The following TASP1 variants were observed in gnomAD, a reference collection of about 807,000 sequenced individuals.
TASP1 encodes taspase 1, also known as threonine aspartase 1.
Under a neutral mutation model 56.6 loss-of-function variants are expected in TASP1, and 16 were observed. The observed-to-expected ratio is 0.28, with a 90% CI of 0.19 to 0.43. The LOEUF is 0.43. Among genes scored for constraint, TASP1 ranks in the 20% least tolerant of loss-of-function variants. The pLI, the probability that TASP1 is intolerant of heterozygous loss-of-function variation, is 1.00. For synonymous variants in TASP1, 179 were observed against 184.2 expected, an observed-to-expected ratio of 0.97 and a Z score of 0.23; for missense variants, 393 against 511.6, an observed-to-expected ratio of 0.77 and a Z score of 2.24.
At chr20:13,602,383 G>A (rs1298920519) in intron 4 of TASP1, among the ~76,000 whole-genome samples, 1 of 152,084 alleles carries the variant, frequency 6.6e-6, no homozygotes, top group Admixed American at 6.5e-5. Context: ...CCCTGGAAGA[G>A]AAAAAAGGCA....
At chr20:13,620,913 C>T (rs6109976) in intron 4 of TASP1, among the ~76,000 whole-genome samples, 1 of 152,166 alleles carries the variant, frequency 6.6e-6, no homozygotes, top group Non-Finnish European at 1.5e-5. Flanking sequence ...ATCTGAAAAC[C>T]TATCCTGTTT....
At chr20:13,267,834 T>C in the TASP1 span, among the ~76,000 whole-genome samples, 232 of 152,324 alleles carry the variant, frequency 1.5e-3, no homozygotes, top group Admixed American at 2.7e-3. Context: ...TTAAACAGTA[T>C]ACCTCCATTG....
the TASP1 span, among the ~76,000 whole-genome samples, chr20:13,284,511 T>C: frequency 2.6e-5 from 4 of 152,246 alleles, no homozygotes; most frequent in Admixed American, 6.5e-5. Context: ...CTCTGGGCAG[T>C]GGCCCCTGGT....
At chr20:13,270,530 C>T in the TASP1 span, 1 of 1,613,456 alleles carries the variant, frequency 6.2e-7, no homozygotes, top group Non-Finnish European at 8.5e-7. Context: ...GAAGTGACAC[C>T]ACATCAGAAA....
chr20:13,339,869 T>G, the TASP1 span, among the ~76,000 whole-genome samples: 1 of 152,190 alleles, frequency 6.6e-6, no homozygotes, highest in South Asian at 2.1e-4. Flanking sequence ...GTTGAAGTCT[T>G]TTGCTTGATT....
chr20:13,241,689 C>A, the TASP1 span, among the ~76,000 whole-genome samples: 1 of 152,114 alleles, frequency 6.6e-6, no homozygotes, highest in East Asian at 1.9e-4. Context: ...ATAAAATGGT[C>A]ATCTTGGATA....
At chr20:13,448,615 G>T (rs1041656459) in intron 11 of TASP1, among the ~76,000 whole-genome samples, 1 of 151,974 alleles carries the variant, frequency 6.6e-6, no homozygotes, top group African/African-American at 2.4e-5. Flanking sequence ...ACGTGGCGTG[G>T]TACCCTAAAA....
chr20:13,331,384 G>A, the TASP1 span, among the ~76,000 whole-genome samples: 2 of 152,110 alleles, frequency 1.3e-5, no homozygotes, highest in Non-Finnish European at 2.9e-5. Context: ...AGAAAATTCA[G>A]GAGTTTCCTG....
At chr20:13,635,786 A>G (rs939950537) in intron 1 of TASP1, among the ~76,000 whole-genome samples, 2 of 152,162 alleles carry the variant, frequency 1.3e-5, no homozygotes, top group Non-Finnish European at 2.9e-5. Flanking sequence ...TATAGCCACA[A>G]GTTTTATGGA....
At chr20:13,149,276 G>A in the TASP1 span, among the ~76,000 whole-genome samples, 7 of 152,228 alleles carry the variant, frequency 4.6e-5, no homozygotes, top group African/African-American at 1.7e-4. Flanking sequence ...TGTGGCCGCA[G>A]TGCCCAATCT....
intron 11 of TASP1, among the ~76,000 whole-genome samples, chr20:13,453,383 T>C (rs892767703): frequency 6.6e-6 from 1 of 152,140 alleles, no homozygotes; most frequent in Non-Finnish European, 1.5e-5. Flanking sequence ...CTACTTAGCA[T>C]GTTGATGACA....
chr20:13,209,622 A>C, the TASP1 span, among the ~76,000 whole-genome samples: 1 of 152,206 alleles, frequency 6.6e-6, no homozygotes, highest in Non-Finnish European at 1.5e-5. Flanking sequence ...AGTCCTAGTC[A>C]TGACACCCCC....
the TASP1 span, among the ~76,000 whole-genome samples, chr20:13,141,097 G>A: frequency 1.3e-5 from 2 of 152,062 alleles, no homozygotes; most frequent in African/African-American, 4.8e-5. Context: ...GGGCATTGAG[G>A]GGGGAAAGAA....
At chr20:13,490,577 T>C (rs2043488759) in intron 10 of TASP1, among the ~76,000 whole-genome samples, 1 of 152,186 alleles carries the variant, frequency 6.6e-6, no homozygotes, top group Non-Finnish European at 1.5e-5. Flanking sequence ...AGAAATCTGA[T>C]ATTTCTGTGT....
the TASP1 span, chr20:13,165,549 G>A: frequency 6.6e-6 from 1 of 152,170 alleles, no homozygotes; most frequent in Non-Finnish European, 1.5e-5. Flanking sequence ...GAGCTTTTGA[G>A]GTTTGGAAAA....
chr20:13,238,786 T>G, the TASP1 span, among the ~76,000 whole-genome samples: 1 of 152,186 alleles, frequency 6.6e-6, no homozygotes, highest in Admixed American at 6.5e-5. Context: ...GAATAATCCT[T>G]TCAGGTTCAC....
the TASP1 span, among the ~76,000 whole-genome samples, chr20:13,228,304 CT>C: frequency 6.6e-6 from 1 of 152,052 alleles, no homozygotes; most frequent in African/African-American, 2.4e-5. Flanking sequence ...ATACTTTCAT[CT>C]TTTATTTTGC....
At chr20:13,409,481 GT>G (rs1159746797) in intron 13 of TASP1, among the ~76,000 whole-genome samples, 42 of 152,126 alleles carry the variant, frequency 2.8e-4, no homozygotes, top group Non-Finnish European at 4.4e-4. Flanking sequence ...AATATGAAAT[GT>G]CCTGTTTTAT....
At chr20:13,530,916 T>C (rs2045194404) in intron 9 of TASP1, among the ~76,000 whole-genome samples, 1 of 152,198 alleles carries the variant, frequency 6.6e-6, no homozygotes, top group African/African-American at 2.4e-5. Context: ...GTAGTAAAAC[T>C]GTATTAAAAT....
Sources: allele counts gnomAD v4.1 joint callset (sites outside exome capture counted in the v4.1 genomes callset), GRCh38; gene constraint gnomAD v4.1.1; transcripts MANE v1.5; gene names NCBI Gene and HGNC (gene_info 2026-07-23, HGNC 2026-07-21).